CALN1: variants seen among roughly 807,000 people sequenced by gnomAD.
The protein encoded by CALN1 is calcium-binding protein 8.
CALN1 carries 17 observed loss-of-function variants against 30.6 expected under a neutral mutation model. That is an observed-to-expected ratio of 0.56 (90% CI 0.38 to 0.83). The LOEUF (loss-of-function observed/expected upper bound fraction) is 0.83, where lower values mean the gene tolerates loss of function less well. CALN1 is among the 40% of genes least tolerant of loss of function. The pLI is 0.00. For synonymous variants in CALN1, 156 were observed against 131.4 expected (o/e 1.19, Z -1.28); for missense variants, 291 against 354.9 (o/e 0.82, Z 1.45).
the CALN1 span, among the ~76,000 whole-genome samples, chr7:72,501,926 A>T: frequency 0.03 from 2,419 of 79,376 alleles, 230 homozygotes; most frequent in Admixed American, 0.079. Flanking sequence ...AAAAAAAAAA[A>T]AAATATATAT....
chr7:71,960,134 AAAATAAATAAATAAATAAATAAAT>A (rs71092940), intron 5 of CALN1, among the ~76,000 whole-genome samples: 93 of 135,890 alleles, frequency 6.8e-4, no homozygotes, highest in African/African-American at 2.2e-3. Context: ...CTCCATCTCA[AAAATAAATAAATAAATAAATAAAT>A]AAATAAATAA....
chr7:72,000,441 A>G (rs1421882591), intron 5 of CALN1, among the ~76,000 whole-genome samples: 2 of 152,130 alleles, frequency 1.3e-5, no homozygotes, highest in Admixed American at 6.6e-5. Flanking sequence ...AATTGGACCA[A>G]TTCCTGGAAA....
At chr7:72,017,335 T>C (rs980622938) in intron 5 of CALN1, among the ~76,000 whole-genome samples, 1 of 151,970 alleles carries the variant, frequency 6.6e-6, no homozygotes, top group Non-Finnish European at 1.5e-5. Context: ...TGCTGCATAT[T>C]CTCCCACCAG....
chr7:71,868,713 C>T (rs1330077811), intron 5 of CALN1, among the ~76,000 whole-genome samples: 1 of 151,988 alleles, frequency 6.6e-6, no homozygotes, highest in East Asian at 1.9e-4. Flanking sequence ...CATGAAGGGC[C>T]ACCCCCATGA....
At chr7:71,813,765 T>TA (rs1325679404) in intron 5 of CALN1, among the ~76,000 whole-genome samples, 1 of 151,660 alleles carries the variant, frequency 6.6e-6, no homozygotes, top group Non-Finnish European at 1.5e-5. Flanking sequence ...CCGTCTCTAC[T>TA]AAAAAATACA....
chr7:71,991,733 T>C (rs574295140), intron 5 of CALN1, among the ~76,000 whole-genome samples: 65 of 152,352 alleles, frequency 4.3e-4, no homozygotes, highest in African/African-American at 1.4e-3. Flanking sequence ...CAGTGAGGCA[T>C]TCTGCCTACA....
chr7:72,310,526 T>C (rs557132595), intron 2 of CALN1, among the ~76,000 whole-genome samples: 9 of 152,016 alleles, frequency 5.9e-5, no homozygotes, highest in Non-Finnish European at 1.2e-4. Context: ...ATTTAGATAA[T>C]ACCTTGGGTA....
chr7:72,291,795 T>C (rs1798492945), intron 2 of CALN1, among the ~76,000 whole-genome samples: 1 of 152,136 alleles, frequency 6.6e-6, no homozygotes, highest in Admixed American at 6.5e-5. Context: ...GTATTTTTGG[T>C]AGAGACAGGA....
chr7:71,876,224 G>A (rs1041376011), intron 5 of CALN1, among the ~76,000 whole-genome samples: 7 of 152,236 alleles, frequency 4.6e-5, no homozygotes, highest in Non-Finnish European at 7.4e-5. Context: ...TCATGATGGC[G>A]CCATCATGAA....
Position 71,805,021 on chromosome 7 carries a change from T to G in CALN1, c.658+5315A>C, listed in dbSNP as rs188310418. 2.6e-4 allele frequency among the ~76,000 whole-genome samples: 40 copies of G among 152,278 alleles called. 1 individual carries two copies. Among genetic ancestry groups the G allele is most frequent in the Admixed American group, 2.4e-3 (36 of 15,296 alleles). On this transcript the variant is annotated intron_variant, in intron 6 of 6. Coordinates refer to ENST00000395275, the MANE Select transcript of CALN1 (RefSeq NM_031468.4). ...GGCATTTTCAAGTCCTCCCATTAAT[T>G]TCTAATAGAGTCCTTGTCCCTTGTG...
upstream of CALN1, chr7:72,412,370 T>C (rs1344071103): frequency 6.6e-6 from 1 of 152,128 alleles, no homozygotes; most frequent in Non-Finnish European, 1.5e-5. Flanking sequence ...GCTTTTATTC[T>C]CTTATTCAGC....
At chr7:72,477,697 C>T in the CALN1 span, among the ~76,000 whole-genome samples, 2 of 152,176 alleles carry the variant, frequency 1.3e-5, no homozygotes, top group African/African-American at 2.4e-5. Context: ...GCTAAGTCTA[C>T]AGGCACATGC....
chr7:72,430,802 C>T (rs1404582199), intron 1 of CALN1, among the ~76,000 whole-genome samples: 1 of 152,098 alleles, frequency 6.6e-6, no homozygotes, highest in African/African-American at 2.4e-5. Flanking sequence ...GATTTCAGTG[C>T]CACCTCCGGC....
intron 2 of CALN1, among the ~76,000 whole-genome samples, chr7:72,351,599 C>G (rs1406540229): frequency 6.6e-6 from 1 of 152,128 alleles, no homozygotes; most frequent in Non-Finnish European, 1.5e-5. Flanking sequence ...AAAAGATAGT[C>G]AATTTATCCA....
intron 3 of CALN1, among the ~76,000 whole-genome samples, chr7:72,188,526 T>C (rs982196836): frequency 2.0e-5 from 3 of 150,230 alleles, no homozygotes; most frequent in African/African-American, 4.9e-5. Context: ...ATAAGAATGA[T>C]ACAATGAACT....
chr7:72,163,432 G>A (rs1002431445), intron 3 of CALN1, among the ~76,000 whole-genome samples: 2 of 143,618 alleles, frequency 1.4e-5, no homozygotes, highest in Non-Finnish European at 3.0e-5. Flanking sequence ...GTCACATAGT[G>A]GAAAACACAG....
intron 5 of CALN1, among the ~76,000 whole-genome samples, chr7:71,867,070 G>A (rs1439183818): frequency 6.6e-6 from 1 of 151,884 alleles, no homozygotes; most frequent in Non-Finnish European, 1.5e-5. Flanking sequence ...GCTTGAATCC[G>A]GGAGGCAGAG....
At chr7:71,805,038 T>A (rs1787526115) in intron 6 of CALN1, among the ~76,000 whole-genome samples, 1 of 152,188 alleles carries the variant, frequency 6.6e-6, no homozygotes, top group African/African-American at 2.4e-5. Flanking sequence ...AGAGTCCTTG[T>A]CCCTTGTGCT....
chr7:72,439,746 T>C (rs899320465), intron 1 of CALN1, among the ~76,000 whole-genome samples: 5 of 152,022 alleles, frequency 3.3e-5, no homozygotes, highest in African/African-American at 1.2e-4. Flanking sequence ...CTGGTTAATT[T>C]TTTTGTATTT....
Sources: allele counts gnomAD v4.1 joint callset (sites outside exome capture counted in the v4.1 genomes callset), GRCh38; gene constraint gnomAD v4.1.1; transcripts MANE v1.5; gene names NCBI Gene and HGNC (gene_info 2026-07-23, HGNC 2026-07-21).